Variants in KCND2 observed in about 807,000 individuals in gnomAD.
KCND2 encodes A-type voltage-gated potassium channel KCND2.
KCND2 carries 16 observed loss-of-function variants against 54.4 expected under a neutral mutation model. The observed-to-expected ratio is 0.29, with a 90% CI of 0.20 to 0.45. The LOEUF is 0.45. Ranked by LOEUF, KCND2 falls within the 20% of genes least tolerant of loss-of-function variation. The pLI, the probability that KCND2 is intolerant of heterozygous loss-of-function variation, is 1.00. For missense variants in KCND2, 486 were observed against 824.2 expected (o/e 0.59, Z 5.02); for synonymous variants, 317 against 310.7 (o/e 1.02, Z -0.21).
At chr7:120,497,140 G>A (rs1282552084) in intron 1 of KCND2, among the ~76,000 whole-genome samples, 1 of 152,006 alleles carries the variant, frequency 6.6e-6, no homozygotes, top group Admixed American at 6.6e-5. Flanking sequence ...TTTTTAACTA[G>A]ACTGAAATTA....
At position 120,522,545 on chromosome 7, in the gene KCND2, ACT is replaced by A. The variant is rs1478724722; in HGVS notation, c.1116-210353_1116-210352del. On this transcript the variant is annotated intron_variant, in intron 1 of 5. Transcript: ENST00000331113. ...CCTCTCTTTTCTTTTACAAATGAGC[ACT>A]CTCTTGTGCTTTGTTATGATTACCA... Among the ~76,000 whole-genome samples, 5 of 152,214 alleles carry A rather than the reference ACT, an allele frequency of 3.3e-5. No individual in the cohort carries two copies. The East Asian group carries it at 9.7e-4, about 29-fold the overall frequency.
intron 1 of KCND2, among the ~76,000 whole-genome samples, chr7:120,489,006 TG>T (rs1199344807): frequency 6.6e-6 from 1 of 152,132 alleles, no homozygotes; most frequent in Admixed American, 6.6e-5. Flanking sequence ...TACAGATAAA[TG>T]TTAACAAGCA....
At chr7:120,742,333 A>G in intron 3 of KCND2, 177 bp from the exon 4 acceptor site, 1 of 618,456 alleles carries the variant, frequency 1.6e-6, no homozygotes, top group African/African-American at 1.8e-5. Flanking sequence ...TCATTTGATG[A>G]AATTGTAAAT....
At chr7:120,567,043 A>T (rs564882556) in intron 1 of KCND2, among the ~76,000 whole-genome samples, 12 of 151,994 alleles carry the variant, frequency 7.9e-5, no homozygotes, top group African/African-American at 2.9e-4. Context: ...ATCATTTTTC[A>T]TCAGAACATC....
At chr7:120,672,082 T>C (rs767003383) in intron 1 of KCND2, among the ~76,000 whole-genome samples, 3 of 152,106 alleles carry the variant, frequency 2.0e-5, no homozygotes, top group Non-Finnish European at 2.9e-5. Context: ...TTCTGCTTCC[T>C]CAGGGACCTT....
intron 1 of KCND2, among the ~76,000 whole-genome samples, chr7:120,691,968 A>G (rs1260663819): frequency 6.6e-6 from 1 of 152,144 alleles, no homozygotes; most frequent in East Asian, 1.9e-4. Context: ...ATTCTGGGTC[A>G]AGGGAGAGGA....
chr7:120,513,212 C>CGT (rs1803146068), intron 1 of KCND2, among the ~76,000 whole-genome samples: 1 of 152,116 alleles, frequency 6.6e-6, no homozygotes, highest in Admixed American at 6.6e-5. Flanking sequence ...ATTCTAATAA[C>CGT]TGCACAAACG....
chr7:120,317,507 G>A (rs2116324948), intron 1 of KCND2, among the ~76,000 whole-genome samples: 3 of 152,052 alleles, frequency 2.0e-5, no homozygotes, highest in Non-Finnish European at 4.4e-5. Context: ...TATTCAGTGT[G>A]AATTATGTAT....
chr7:120,437,632 A>C (rs916852920), intron 1 of KCND2, among the ~76,000 whole-genome samples: 1 of 152,218 alleles, frequency 6.6e-6, no homozygotes, highest in Non-Finnish European at 1.5e-5. Context: ...ATGTTTAGGT[A>C]GTCAGATAAA....
At chr7:120,345,915 A>G (rs1479948618) in intron 1 of KCND2, among the ~76,000 whole-genome samples, 1 of 152,168 alleles carries the variant, frequency 6.6e-6, no homozygotes. Context: ...TTTTTGAGGA[A>G]GCATCATACT....
chr7:120,642,640 G>GT (rs1294703382), intron 1 of KCND2, among the ~76,000 whole-genome samples: 11 of 151,044 alleles, frequency 7.3e-5, no homozygotes, highest in East Asian at 1.9e-4. Flanking sequence ...AGTTTAAAGG[G>GT]TTTTTTTTCC....
At chr7:120,412,873 G>A (rs975801772) in intron 1 of KCND2, among the ~76,000 whole-genome samples, 2 of 152,048 alleles carry the variant, frequency 1.3e-5, no homozygotes, top group African/African-American at 4.8e-5. Context: ...TAAAGCAGCA[G>A]CCCTTTAAAG....
intron 1 of KCND2, among the ~76,000 whole-genome samples, chr7:120,407,199 C>G (rs1801374000): frequency 6.6e-6 from 1 of 151,940 alleles, no homozygotes; most frequent in South Asian, 2.1e-4. Context: ...GTGAATCATC[C>G]CACAGCGTAG....
intron 1 of KCND2, among the ~76,000 whole-genome samples, chr7:120,328,967 T>C (rs1584732639): frequency 1.3e-5 from 2 of 152,192 alleles, no homozygotes; most frequent in African/African-American, 4.8e-5. Context: ...CTATGAATTG[T>C]TCAATTGGTT....
rs1190028261 is a variant in KCND2, at chr7:120,558,537, G to A, written c.1116-174366G>A. ...ATATCTGTGCATAACTGGATTCCAG[G>A]AAGAACTAAATGGGATCTGTAGGAT... On this transcript the variant is annotated intron_variant, in intron 1 of 5. Transcript: ENST00000331113. Among the ~76,000 whole-genome samples, 3 of 152,130 alleles carry A rather than the reference G, an allele frequency of 2.0e-5. No individual in the cohort carries two copies. In the South Asian group the frequency reaches 6.2e-4, roughly 32 times the overall value.
intron 1 of KCND2, among the ~76,000 whole-genome samples, chr7:120,575,603 G>A (rs567748925): frequency 6.6e-6 from 1 of 152,290 alleles, no homozygotes; most frequent in Admixed American, 6.5e-5. Flanking sequence ...TTGACAGTCA[G>A]TATTAACTAT....
chr7:120,595,754 C>T (rs1021250231), intron 1 of KCND2, among the ~76,000 whole-genome samples: 1 of 151,606 alleles, frequency 6.6e-6, no homozygotes, highest in Non-Finnish European at 1.5e-5. Context: ...AATAATTGAA[C>T]TTTAAAATGA....
At chr7:120,526,828 CTTTCTA>C (rs1791782665) in intron 1 of KCND2, among the ~76,000 whole-genome samples, 4 of 151,908 alleles carry the variant, frequency 2.6e-5, no homozygotes, top group Admixed American at 2.6e-4. Context: ...TTTTTTCAAT[CTTTCTA>C]TTTCTATTGA....
chr7:120,555,100 G>A (rs1396041836), intron 1 of KCND2, among the ~76,000 whole-genome samples: 1 of 152,106 alleles, frequency 6.6e-6, no homozygotes, highest in African/African-American at 2.4e-5. Context: ...GGATCTGCAG[G>A]TCTTTTATCT....
Sources: gnomAD v4.1 joint callset for allele counts (sites outside exome capture counted in the v4.1 genomes callset) on GRCh38, gnomAD v4.1.1 for gene constraint, MANE v1.5 for transcripts, NCBI Gene and HGNC (gene_info 2026-07-23, HGNC 2026-07-21) for gene names.